RHBDD1: variants seen among roughly 807,000 people sequenced by gnomAD.
The protein encoded by RHBDD1 is rhomboid domain containing 1, also known as rhomboid-related protein 4.
A neutral mutation model predicts 36.3 loss-of-function variants in RHBDD1; 38 were observed. That is an observed-to-expected ratio of 1.05 (90% confidence interval 0.81 to 1.37). RHBDD1 has a LOEUF of 1.37. Among genes scored for constraint, RHBDD1 ranks in the 40% most tolerant of loss-of-function variants. The pLI is 0.00. For missense variants in RHBDD1, 393 were observed against 377.6 expected (o/e 1.04, Z -0.34); for synonymous variants, 151 against 136.5 (o/e 1.11, Z -0.74).
intron 8 of RHBDD1, among the ~76,000 whole-genome samples, chr2:226,941,780 A>G (rs1428528428): frequency 1.3e-5 from 2 of 152,246 alleles, no homozygotes; most frequent in Non-Finnish European, 2.9e-5. Flanking sequence ...GGTTATATCC[A>G]TGCACATACC....
rs1948759497 is a variant in RHBDD1, at chr2:226,914,487, T to C, written c.856+136T>C. On this transcript the variant is annotated intron_variant, in intron 8 of 8. Transcript: ENST00000392062. The stretch of plus-strand genomic sequence containing the variant: ...ATGTAGATGAAAACTGTGTGCAGAT[T>C]GTGATTACAAAGAATGGGGTGTGAT... 4.0e-6 allele frequency: 4 copies of C among 993,522 alleles called. No homozygotes were observed. The East Asian group carries it at 1.1e-4, about 27-fold the overall frequency. The allele number at this position is 993,522 out of a possible 1,614,324, so 61.5% of individuals were successfully genotyped here.
At chr2:226,930,430 C>T (rs1018130006) in intron 8 of RHBDD1, among the ~76,000 whole-genome samples, 8 of 151,858 alleles carry the variant, frequency 5.3e-5, no homozygotes, top group African/African-American at 1.7e-4. Context: ...ATAAATGGTG[C>T]TGGGAAAACA....
intron 5 of RHBDD1, among the ~76,000 whole-genome samples, chr2:226,888,287 G>C (rs1946397822): frequency 6.6e-6 from 1 of 152,100 alleles, no homozygotes; most frequent in African/African-American, 2.4e-5. Flanking sequence ...CTCTGGGTAA[G>C]AACTTACTGA....
At chr2:226,878,712 G>A (rs1041934955) in intron 5 of RHBDD1, among the ~76,000 whole-genome samples, 19 of 152,140 alleles carry the variant, frequency 1.2e-4, no homozygotes, top group African/African-American at 3.1e-4. Context: ...CGACCACCCC[G>A]TGTGCTCCTT....
intron 3 of RHBDD1, among the ~76,000 whole-genome samples, chr2:226,842,552 C>T (rs141605978): frequency 1.3e-3 from 200 of 152,260 alleles, no homozygotes; most frequent in South Asian, 5.8e-3. Context: ...AATCCTTTCT[C>T]TATTTCTTGT....
At chr2:226,807,933 T>C in the RHBDD1 span, among the ~76,000 whole-genome samples, 107 of 151,884 alleles carry the variant, frequency 7.0e-4, 1 homozygote, top group South Asian at 2.1e-4. Flanking sequence ...TAGAAGCACA[T>C]GAACCAGGCA....
Position 226,864,639 on chromosome 2 carries a change from A to G in RHBDD1, c.-55A>G. 4 of 1,463,110 alleles carry G rather than the reference A, an allele frequency of 2.7e-6. No homozygotes were observed. Among genetic ancestry groups the G allele is most frequent in the Non-Finnish European group, 3.8e-6 (4 of 1,059,620 alleles). The allele number at this position is 1,463,110 out of a possible 1,614,324, so 90.6% of individuals were successfully genotyped here. On this transcript the variant is annotated 5_prime_UTR_variant, in exon 4 of 9. Coordinates refer to ENST00000392062, the MANE Select transcript of RHBDD1 (RefSeq NM_001167608.3). ...CTGTATATCTCCCCAGATACCTGAA[A>G]CTGACCACCTGAGTACGTTTTCCCA... is the stretch of plus-strand genomic sequence containing the variant.
rs542606815 is a variant in RHBDD1 at position 226,902,780 on chromosome 2, C to T, written c.567-4013C>T. On this transcript the variant is annotated intron_variant, in intron 5 of 8. Coordinates refer to ENST00000392062, the MANE Select transcript of RHBDD1 (RefSeq NM_001167608.3). ...ATGTTGGAGGATGACGCAATGAGTT[C>T]TCCGGACTGCCAGCCTCCCTTCCCT... 2.6e-5 allele frequency among the ~76,000 whole-genome samples: 4 copies of T among 152,284 alleles called. No individual in the cohort carries two copies. The South Asian group carries it at 8.3e-4, about 32-fold the overall frequency.
At chr2:226,859,018 G>A (rs905711621) in intron 3 of RHBDD1, among the ~76,000 whole-genome samples, 10 of 152,150 alleles carry the variant, frequency 6.6e-5, no homozygotes, top group Non-Finnish European at 1.5e-4. Context: ...AATGCTAAGT[G>A]GAATAATATG....
At position 226,998,435 on chromosome 2, in the gene RHBDD1, A is replaced by G. The variant is rs1177950000; in HGVS notation, c.*2913A>G. ...AGGGCGAGAATGGGGTAGCTGGCAG[A>G]CCTGGCCTCCTTGTTCCCAGTCTTA... On this transcript the variant is annotated 3_prime_UTR_variant, in exon 9 of 9. Coordinates refer to ENST00000392062, the MANE Select transcript of RHBDD1 (RefSeq NM_001167608.3). 1 of 152,214 alleles carries G rather than the reference A, an allele frequency of 6.6e-6. No homozygotes were observed. The highest frequency in any genetic ancestry group is 1.5e-5 in the Non-Finnish European group (1 of 68,052). 9.4% of individuals were successfully genotyped at this position (152,214 alleles called of 1,614,324 possible).
chr2:226,979,572 A>G (rs1955254521), intron 8 of RHBDD1, among the ~76,000 whole-genome samples: 1 of 152,130 alleles, frequency 6.6e-6, no homozygotes, highest in African/African-American at 2.4e-5. Context: ...AGGCAGGAGG[A>G]GAGGAAGCAA....
intron 8 of RHBDD1, among the ~76,000 whole-genome samples, chr2:226,983,057 C>T (rs1033252823): frequency 1.3e-5 from 2 of 152,210 alleles, no homozygotes; most frequent in African/African-American, 4.8e-5. Flanking sequence ...TGTACTAAAC[C>T]AAATGCCATG....
At chr2:226,932,659 T>G (rs574167532) in intron 8 of RHBDD1, among the ~76,000 whole-genome samples, 1 of 152,176 alleles carries the variant, frequency 6.6e-6, no homozygotes, top group South Asian at 2.1e-4. Flanking sequence ...TACTTGTTGC[T>G]CTATGCTTTG....
intron 3 of RHBDD1, among the ~76,000 whole-genome samples, chr2:226,852,251 C>T (rs2125091004): frequency 6.6e-6 from 1 of 152,208 alleles, no homozygotes; most frequent in Non-Finnish European, 1.5e-5. Flanking sequence ...AATCACTTTC[C>T]CATAGTTAAT....
intron 3 of RHBDD1, among the ~76,000 whole-genome samples, chr2:226,852,901 T>TTTATTATTGTTG (rs1553543385): frequency 1.6e-5 from 2 of 125,204 alleles, no homozygotes; most frequent in African/African-American, 3.2e-5. Flanking sequence ...ACCTGGCTAA[T>TTTATTATTGTTG]TTATTATTAT....
chr2:226,971,679 T>C (rs567507763), intron 8 of RHBDD1, among the ~76,000 whole-genome samples: 28 of 152,366 alleles, frequency 1.8e-4, no homozygotes, highest in African/African-American at 6.5e-4. Flanking sequence ...ACAAGTTTCT[T>C]GACAAAATCA....
chr2:226,836,492 C>T (rs900050173), intron 1 of RHBDD1, among the ~76,000 whole-genome samples: 7 of 152,206 alleles, frequency 4.6e-5, no homozygotes, highest in African/African-American at 1.7e-4. Context: ...GGACAGCTTT[C>T]AGTTTCTCAG....
intron 8 of RHBDD1, among the ~76,000 whole-genome samples, chr2:226,927,939 A>C (rs183503551): frequency 6.6e-6 from 1 of 152,228 alleles, no homozygotes; most frequent in African/African-American, 2.4e-5. Context: ...TTTGTGGCAC[A>C]AAAGTTTATA....
chr2:226,886,548 G>A (rs529249656), intron 5 of RHBDD1, among the ~76,000 whole-genome samples: 7 of 152,260 alleles, frequency 4.6e-5, no homozygotes, highest in South Asian at 2.1e-4. Context: ...TGCAGGACAC[G>A]GTCCTGCCTC....
Sources: gnomAD v4.1 joint callset for allele counts (sites outside exome capture counted in the v4.1 genomes callset) on GRCh38, gnomAD v4.1.1 for gene constraint, MANE v1.5 for transcripts, NCBI Gene and HGNC (gene_info 2026-07-23, HGNC 2026-07-21) for gene names.